PABPC4L: variants seen among roughly 807,000 people sequenced by gnomAD.
The protein encoded by PABPC4L is polyadenylate-binding protein 4-like.
For synonymous variants in PABPC4L, 169 were observed against 164.1 expected (o/e 1.03, Z -0.23); for missense variants, 452 against 451.4 (o/e 1.00, Z -0.01).
chr4:133,951,171 C>T, the PABPC4L span, among the ~76,000 whole-genome samples: 2 of 152,192 alleles, frequency 1.3e-5, no homozygotes, highest in South Asian at 2.1e-4. Context: ...TCACTCAGGA[C>T]GACTCATCCA....
At chr4:133,989,585 C>G in the PABPC4L span, among the ~76,000 whole-genome samples, 1 of 152,152 alleles carries the variant, frequency 6.6e-6, no homozygotes, top group Non-Finnish European at 1.5e-5. Flanking sequence ...AACTGCCTCA[C>G]ATCTCTCTGT....
At chr4:133,951,895 T>A in the PABPC4L span, among the ~76,000 whole-genome samples, 1 of 152,294 alleles carries the variant, frequency 6.6e-6, no homozygotes, top group South Asian at 2.1e-4. Flanking sequence ...CTGAAATTTT[T>A]TCAGAGTTCT....
chr4:134,060,639 G>T, the PABPC4L span, among the ~76,000 whole-genome samples: 2 of 151,696 alleles, frequency 1.3e-5, no homozygotes, highest in Non-Finnish European at 2.9e-5. Flanking sequence ...ACTCAGTCCT[G>T]GCAGGACCCA....
At chr4:134,064,636 A>T in the PABPC4L span, among the ~76,000 whole-genome samples, 8 of 152,012 alleles carry the variant, frequency 5.3e-5, no homozygotes, top group Non-Finnish European at 1.2e-4. Flanking sequence ...ATACACGTAG[A>T]GGTTTGTTAT....
chr4:134,070,237 G>A, the PABPC4L span, among the ~76,000 whole-genome samples: 22 of 152,008 alleles, frequency 1.4e-4, no homozygotes, highest in Non-Finnish European at 3.1e-4. Flanking sequence ...GCACTCTGAT[G>A]AGTGGTGCCA....
At chr4:134,150,505 A>T in the PABPC4L span, among the ~76,000 whole-genome samples, 3 of 152,186 alleles carry the variant, frequency 2.0e-5, no homozygotes, top group Admixed American at 1.3e-4. Flanking sequence ...TATACATGTG[A>T]TGATAACATT....
chr4:134,047,964 G>A, the PABPC4L span, among the ~76,000 whole-genome samples: 14 of 152,046 alleles, frequency 9.2e-5, no homozygotes, highest in South Asian at 4.1e-4. Context: ...ATTTTCTGAC[G>A]GCAAAGATGG....
At chr4:133,952,530 A>T in the PABPC4L span, among the ~76,000 whole-genome samples, 1 of 152,118 alleles carries the variant, frequency 6.6e-6, no homozygotes, top group Non-Finnish European at 1.5e-5. Context: ...GCAGGGTTCC[A>T]ATAGTCCATC....
chr4:134,115,093 T>G, the PABPC4L span, among the ~76,000 whole-genome samples: 2 of 151,882 alleles, frequency 1.3e-5, no homozygotes, highest in Non-Finnish European at 2.9e-5. Flanking sequence ...CACTTTCCTT[T>G]TGTATTTACT....
At chr4:134,179,059 A>C in the PABPC4L span, among the ~76,000 whole-genome samples, 3 of 152,234 alleles carry the variant, frequency 2.0e-5, no homozygotes, top group African/African-American at 7.2e-5. Context: ...ATCCCTCAAA[A>C]TACTAAATAA....
downstream of PABPC4L, among the ~76,000 whole-genome samples, chr4:134,193,697 G>A (rs1729577096): frequency 6.6e-6 from 1 of 151,846 alleles, no homozygotes; most frequent in African/African-American, 2.4e-5. Context: ...ATATTAGCAA[G>A]TCCAGAAGCA....
the PABPC4L span, among the ~76,000 whole-genome samples, chr4:134,013,281 C>A: frequency 8.6e-5 from 13 of 151,992 alleles, no homozygotes; most frequent in Admixed American, 3.3e-4. Context: ...TGCACCCCGA[C>A]CTCTTAATTC....
chr4:134,157,374 C>T, the PABPC4L span, among the ~76,000 whole-genome samples: 1 of 151,102 alleles, frequency 6.6e-6, no homozygotes, highest in Non-Finnish European at 1.5e-5. Flanking sequence ...GTTAAGGTTT[C>T]AATATATTAA....
chr4:134,169,871 A>T, the PABPC4L span, among the ~76,000 whole-genome samples: 1 of 151,980 alleles, frequency 6.6e-6, no homozygotes, highest in Non-Finnish European at 1.5e-5. Flanking sequence ...TTACTTTTTA[A>T]TTTTTTTTAA....
chr4:134,011,420 AT>A, the PABPC4L span, among the ~76,000 whole-genome samples: 1 of 152,294 alleles, frequency 6.6e-6, no homozygotes, highest in East Asian at 1.9e-4. Context: ...TTCTTGAAAC[AT>A]TTTGTAAATA....
the PABPC4L span, among the ~76,000 whole-genome samples, chr4:134,004,953 G>C: frequency 6.6e-6 from 1 of 151,786 alleles, no homozygotes. Flanking sequence ...ACTCAAGGCG[G>C]CAGTGAGACG....
the PABPC4L span, among the ~76,000 whole-genome samples, chr4:134,062,194 C>T: frequency 7.9e-5 from 12 of 151,756 alleles, no homozygotes; most frequent in African/African-American, 2.9e-4. Context: ...CAAAAAATTA[C>T]TAACTGTATT....
the PABPC4L span, among the ~76,000 whole-genome samples, chr4:134,034,148 T>C: frequency 6.6e-6 from 1 of 151,864 alleles, no homozygotes; most frequent in African/African-American, 2.4e-5. Context: ...CCTTAAGAAT[T>C]ATGCAAAGTC....
the PABPC4L span, among the ~76,000 whole-genome samples, chr4:134,092,081 A>G: frequency 1.3e-5 from 2 of 152,018 alleles, no homozygotes; most frequent in Non-Finnish European, 2.9e-5. Context: ...GGTGTTTGTG[A>G]TACAGACAGG....
Sources: gnomAD v4.1 joint callset for allele counts (sites outside exome capture counted in the v4.1 genomes callset) on GRCh38, gnomAD v4.1.1 for gene constraint, MANE v1.5 for transcripts, NCBI Gene and HGNC (gene_info 2026-07-23, HGNC 2026-07-21) for gene names.